LMO7: variants seen among roughly 807,000 people sequenced by gnomAD.
LMO7 encodes the protein LIM domain only protein 7.
LMO7 carries 120 observed loss-of-function variants against 206.5 expected under a neutral mutation model. That is an observed-to-expected ratio of 0.58 (90% CI 0.50 to 0.68). The LOEUF is 0.68. Among genes scored for constraint, LMO7 ranks in the 30% least tolerant of loss-of-function variants. LMO7 has a pLI of 0.00. For missense variants in LMO7, 1,959 were observed against 1,957.9 expected, an observed-to-expected ratio of 1.00 and a Z score of -0.01; for synonymous variants, 706 against 681.5, an observed-to-expected ratio of 1.04 and a Z score of -0.56.
intron 1 of LMO7, among the ~76,000 whole-genome samples, chr13:75,669,371 C>T (rs890117357): frequency 2.9e-4 from 43 of 148,050 alleles, no homozygotes; most frequent in Middle Eastern, 3.5e-3. Context: ...AGAAAAGTGA[C>T]CCCCCCGCCG....
chr13:75,773,931 T>TTTTTG (rs1212965824), intron 4 of LMO7, among the ~76,000 whole-genome samples: 1 of 152,110 alleles, frequency 6.6e-6, no homozygotes, highest in African/African-American at 2.4e-5. Flanking sequence ...TGTTGCTTTT[T>TTTTTG]TTTTGTTTTG....
In LMO7 at chr13:75,776,098, T is replaced by G. The variant is rs1249148336; in HGVS notation, c.317+15060T>G. Among the ~76,000 whole-genome samples, 12 of 113,610 alleles carry G rather than the reference T, an allele frequency of 1.1e-4. No individual in the cohort carries two copies. The East Asian group carries it at 1.7e-3, about 16-fold the overall frequency. 74.5% of individuals were successfully genotyped at this position (113,610 alleles called of 152,430 possible). On this transcript the variant is annotated intron_variant, in intron 4 of 30. Transcript: ENST00000377534. ...ATTGGATAAAGAAATGTTGTGGATA[T>G]ATATATATATATATACATACATACA...
At position 75,856,494 on chromosome 13, in the gene LMO7, T is replaced by G. The variant is rs778000368; in HGVS notation, c.4771-12T>G. The G allele has an allele frequency of 3.9e-5, 61 of 1,562,644 alleles. No homozygotes were observed. Among genetic ancestry groups the G allele is most frequent in the Non-Finnish European group, 5.0e-5 (57 of 1,134,548 alleles). On this transcript the variant is annotated splice_polypyrimidine_tract_variant and intron_variant, in intron 29 of 30. Transcript: ENST00000377534. The stretch of plus-strand genomic sequence containing the variant: ...GACTGATTGTAGATGTTCTTTTTTT[T>G]TTGTTCCCCAGTGTGTTGCCTGTGA...
intron 2 of LMO7, among the ~76,000 whole-genome samples, chr13:75,625,711 C>T (rs1175658032): frequency 6.6e-6 from 1 of 152,186 alleles, no homozygotes; most frequent in East Asian, 1.9e-4. Flanking sequence ...TAGAACATTC[C>T]TAGTCCAAGA....
chr13:75,859,268 C>T lies in LMO7; in HGVS notation c.*1325C>T, dbSNP rs1054103995. 3 of 152,106 alleles carry T rather than the reference C, an allele frequency of 2.0e-5. No homozygotes were observed. The highest frequency in any genetic ancestry group is 4.4e-5 in the Non-Finnish European group (3 of 68,010). The allele number at this position is 152,106 out of a possible 1,614,324, so 9.4% of individuals were successfully genotyped here. A position where few individuals can be genotyped will look rare whatever the true frequency, so the allele number is the denominator to read the frequency against. On this transcript the variant is annotated 3_prime_UTR_variant, in exon 31 of 31. Transcript: ENST00000377534. ...ATAAAAATTTTATTTAGTACTTATT[C>T]TGATTATTATTAAAGTAATAATGTG...
At chr13:75,670,119 C>CTCCCTGCCT (rs1488191593) in intron 1 of LMO7, among the ~76,000 whole-genome samples, 1 of 152,230 alleles carries the variant, frequency 6.6e-6, no homozygotes, top group Non-Finnish European at 1.5e-5. Context: ...CTCTCTCCTC[C>CTCCCTGCCT]TCCCTGCCTT....
chr13:75,846,330 G>C (rs746615672), intron 26 of LMO7, among the ~76,000 whole-genome samples: 2 of 152,008 alleles, frequency 1.3e-5, no homozygotes, highest in Non-Finnish European at 2.9e-5. Context: ...TTGTTATCTG[G>C]TTCTAGTTTA....
chr13:75,718,001 A>G (rs944444910), intron 2 of LMO7, among the ~76,000 whole-genome samples: 1 of 152,176 alleles, frequency 6.6e-6, no homozygotes, highest in Non-Finnish European at 1.5e-5. Context: ...TTTCCATGTT[A>G]TGTGATAGCC....
At position 75,840,068 on chromosome 13, in the gene LMO7, C is replaced by T. The variant is rs1156395520; in HGVS notation, c.3452-17C>T. The T allele has an allele frequency of 3.7e-6, 6 of 1,612,928 alleles. No individual in the cohort carries two copies. Among genetic ancestry groups the T allele is most frequent in the African/African-American group, 2.7e-5 (2 of 75,008 alleles). ...ATATTGTATATTTTTCTTCCTTGCC[C>T]ATGTGCTGCAACACAGGAAGCTCTG... On this transcript the variant is annotated splice_polypyrimidine_tract_variant and intron_variant, in intron 20 of 30. Coordinates refer to ENST00000377534, the MANE Select transcript of LMO7 (RefSeq NM_001306080.2).
Position 75,800,942 on chromosome 13 carries a change from G to C in LMO7, c.661+60G>C, listed in dbSNP as rs189345661. ...ACATATTAAGGGAGAACTGGGAACAGGAGAGAATAGAAAAATGGAGCAAAA... is the reference window on the plus strand; with the variant it reads ...ACATATTAAGGGAGAACTGGGAACACGAGAGAATAGAAAAATGGAGCAAAA... On this transcript the variant is annotated intron_variant, in intron 7 of 30. Coordinates refer to ENST00000377534, the MANE Select transcript of LMO7 (RefSeq NM_001306080.2). 29 of 1,517,598 alleles carry C rather than the reference G, an allele frequency of 1.9e-5. No homozygotes were observed. In the African/African-American group the frequency reaches 3.4e-4, roughly 18 times the overall value. 94.0% of individuals were successfully genotyped at this position (1,517,598 alleles called of 1,614,324 possible). A position where few individuals can be genotyped will look rare whatever the true frequency, so the allele number is the denominator to read the frequency against.
At chr13:75,755,536 G>A (rs1366294441) in intron 3 of LMO7, among the ~76,000 whole-genome samples, 1 of 152,006 alleles carries the variant, frequency 6.6e-6, no homozygotes, top group Non-Finnish European at 1.5e-5. Flanking sequence ...GGGCAAGGAG[G>A]GCACATTGAC....
At chr13:75,818,898 G>A (rs1168155681) in intron 12 of LMO7, among the ~76,000 whole-genome samples, 1 of 152,174 alleles carries the variant, frequency 6.6e-6, no homozygotes. Context: ...CTATGCATGT[G>A]TGTATTAATA....
chr13:75,647,936 T>G (rs1454424143), intron 1 of LMO7, among the ~76,000 whole-genome samples: 1 of 126,450 alleles, frequency 7.9e-6, no homozygotes, highest in Non-Finnish European at 1.6e-5. Flanking sequence ...GATTTTCTCT[T>G]GTTTTCTTTT....
At chr13:75,828,225 T>C (rs919965558) in intron 15 of LMO7, among the ~76,000 whole-genome samples, 3 of 152,234 alleles carry the variant, frequency 2.0e-5, no homozygotes, top group African/African-American at 7.2e-5. Context: ...CTTGACACCT[T>C]TTAAATGTTT....
At chr13:75,756,252 CT>C (rs575295268) in intron 3 of LMO7, among the ~76,000 whole-genome samples, 179 of 152,224 alleles carry the variant, frequency 1.2e-3, no homozygotes, top group Non-Finnish European at 2.0e-3. Context: ...ATGGGTGCAT[CT>C]TTTGTCTAAT....
intron 22 of LMO7, among the ~76,000 whole-genome samples, chr13:75,840,864 C>A (rs1413047162): frequency 1.3e-5 from 2 of 152,060 alleles, no homozygotes; most frequent in Non-Finnish European, 2.9e-5. Context: ...GAATTAGAGC[C>A]ATGGTAAAGG....
Position 75,837,236 on chromosome 13 carries a change from T to C in LMO7, c.3394+779T>C, listed in dbSNP as rs1172242304. Among the ~76,000 whole-genome samples, 4 of 152,218 alleles carry C rather than the reference T, an allele frequency of 2.6e-5. No homozygotes were observed. The East Asian group carries it at 7.7e-4, about 29-fold the overall frequency. ...TTTCCTCATCGATTATTTAATTTTG[T>C]ATTTCATTTCTGATAGACAGAAGTG... is the stretch of plus-strand genomic sequence containing the variant. On this transcript the variant is annotated intron_variant, in intron 19 of 30. Coordinates refer to ENST00000377534, the MANE Select transcript of LMO7 (RefSeq NM_001306080.2).
chr13:75,651,002 T>C (rs1371319151), intron 1 of LMO7, among the ~76,000 whole-genome samples: 1 of 152,218 alleles, frequency 6.6e-6, no homozygotes, highest in Non-Finnish European at 1.5e-5. Context: ...AAATGCATTT[T>C]GTTTTATTCG....
At chr13:75,808,565 G>A (rs186408852) in intron 10 of LMO7, among the ~76,000 whole-genome samples, 1 of 152,134 alleles carries the variant, frequency 6.6e-6, no homozygotes, top group African/African-American at 2.4e-5. Flanking sequence ...TCACATTTTA[G>A]AGTGTCTGAT....
Sources: gnomAD v4.1 joint callset for allele counts (sites outside exome capture counted in the v4.1 genomes callset) on GRCh38, gnomAD v4.1.1 for gene constraint, MANE v1.5 for transcripts, NCBI Gene and HGNC (gene_info 2026-07-23, HGNC 2026-07-21) for gene names.